ARHGAP11A: variants seen among roughly 807,000 people sequenced by gnomAD.
ARHGAP11A encodes the protein Rho GTPase activating protein 11A.
In ARHGAP11A, 36 loss-of-function variants were observed where a neutral mutation model predicts 60.5. The observed-to-expected ratio is 0.59, with a 90% CI of 0.46 to 0.79. The LOEUF (loss-of-function observed/expected upper bound fraction) is 0.79, where lower values mean the gene tolerates loss of function less well. Among genes scored for constraint, ARHGAP11A ranks in the 30% least tolerant of loss-of-function variants. The pLI, the probability that ARHGAP11A is intolerant of heterozygous loss-of-function variation, is 0.00. For missense variants in ARHGAP11A, 1,071 were observed against 1,199.2 expected (o/e 0.89, Z 1.58); for synonymous variants, 362 against 415.5 (o/e 0.87, Z 1.57).
chr15:32,637,056 C>T lies in ARHGAP11A; in HGVS notation c.2283C>T (p.Ser761=). The change falls in exon 12 of 12, where the codon TCC becomes TCT. Residue 761 remains serine (S), a synonymous_variant. Coordinates refer to ENST00000361627, the MANE Select transcript of ARHGAP11A (RefSeq NM_014783.6). ...CACATAGCAAGGACGAGGCTAGATC[C>T]TCTTTCTCACAGCAGAGTACATGTG... is the stretch of plus-strand genomic sequence containing the variant. ...CAAHSKDEAR[S]SFSQQSTCVV... 6.2e-7 allele frequency: 1 copy of T among 1,613,916 alleles called. No individual in the cohort carries two copies. The highest frequency in any genetic ancestry group is 1.1e-5 in the South Asian group (1 of 91,072).
At chr15:32,627,522 G>A (rs2053490503) in intron 6 of ARHGAP11A, among the ~76,000 whole-genome samples, 1 of 151,996 alleles carries the variant, frequency 6.6e-6, no homozygotes, top group Non-Finnish European at 1.5e-5. Flanking sequence ...GAGGTCAGGA[G>A]ATCGAGACCA....
At chr15:32,622,370 A>G (rs924314506) in intron 2 of ARHGAP11A, among the ~76,000 whole-genome samples, 3 of 152,244 alleles carry the variant, frequency 2.0e-5, no homozygotes, top group Non-Finnish European at 4.4e-5. Flanking sequence ...GTGAGCAGTG[A>G]TCGCACCACT....
At chr15:32,631,992 G>A (rs1002902070) in intron 8 of ARHGAP11A, among the ~76,000 whole-genome samples, 2 of 152,100 alleles carry the variant, frequency 1.3e-5, no homozygotes, top group Non-Finnish European at 2.9e-5. Context: ...TTTTTAAAGT[G>A]ACTAGACTGC....
chr15:32,637,463 A>G lies in ARHGAP11A; in HGVS notation c.2690A>G (p.Lys897Arg). 10 of 1,614,100 alleles carry G rather than the reference A, an allele frequency of 6.2e-6. No homozygotes were observed. Among genetic ancestry groups the G allele is most frequent in the Non-Finnish European group, 8.5e-6 (10 of 1,180,044 alleles). ...AAAGATTCCTCTGTTTCATGTATCAAATCAGGTCCTAAAGAACAGAAGTCC... is the reference window on the plus strand; with the variant it reads ...AAAGATTCCTCTGTTTCATGTATCAGATCAGGTCCTAAAGAACAGAAGTCC... ...ASKDSSVSCI[K>R]SGPKEQKSMS... Residue 897 changes from lysine (K) to arginine (R), a missense_variant, in exon 12 of 12, where the codon AAA becomes AGA. This residue lies in a region of ARHGAP11A where 776 missense variants were observed against 760.2 expected (regional missense o/e 1.02). Coordinates refer to ENST00000361627, the MANE Select transcript of ARHGAP11A (RefSeq NM_014783.6).
At position 32,637,999 on chromosome 15, in the gene ARHGAP11A, C is replaced by T. The variant is rs2053765561; in HGVS notation, c.*154C>T. Reference sequence around the variant, plus strand: ...TTCATTTTTTTCACTGTACAAGCAACTTAGATTTTTATTTGTACAAATTAC... The same window carrying T: ...TTCATTTTTTTCACTGTACAAGCAATTTAGATTTTTATTTGTACAAATTAC... On this transcript the variant is annotated 3_prime_UTR_variant, in exon 12 of 12. Coordinates refer to ENST00000361627, the MANE Select transcript of ARHGAP11A (RefSeq NM_014783.6). 4.5e-6 allele frequency: 3 copies of T among 661,148 alleles called. No individual in the cohort carries two copies. Among genetic ancestry groups the T allele is most frequent in the Non-Finnish European group, 7.3e-6 (3 of 413,644 alleles). 41.0% of individuals were successfully genotyped at this position (661,148 alleles called of 1,614,324 possible). A position where few individuals can be genotyped will look rare whatever the true frequency, so the allele number is the denominator to read the frequency against.
chr15:32,629,685 G>A lies in ARHGAP11A; in HGVS notation c.1028G>A (p.Arg343Lys). The change falls in exon 8 of 12, where the codon AGG becomes AAG. Residue 343 changes from arginine (R) to lysine (K), a missense_variant. By Grantham distance (26) the Arg-to-Lys change is conservative. Transcript: ENST00000361627. ...DSSHGFSSKK[R>K]KSIKHNFNFE... Reference sequence around the variant, plus strand: ...TCTCATGGTTTCTCAAGTAAGAAAAGGAAGTCCATCAAGCACAATTTTAAC... The same window carrying A: ...TCTCATGGTTTCTCAAGTAAGAAAAAGAAGTCCATCAAGCACAATTTTAAC... 3.1e-6 allele frequency: 5 copies of A among 1,613,574 alleles called. No homozygotes were observed. Among genetic ancestry groups the A allele is most frequent in the Non-Finnish European group, 3.4e-6 (4 of 1,179,740 alleles).
chr15:32,631,441 G>T (rs2053581539), intron 8 of ARHGAP11A, among the ~76,000 whole-genome samples: 1 of 151,754 alleles, frequency 6.6e-6, no homozygotes, highest in Non-Finnish European at 1.5e-5. Flanking sequence ...GATTATAGGT[G>T]GCCACCACCA....
Position 32,624,366 on chromosome 15 carries a change from C to G in ARHGAP11A, c.491C>G (p.Ala164Gly). The change falls in exon 4 of 12, where the codon GCT (alanine) becomes GGT (glycine). Residue 164 changes from alanine to glycine, a missense_variant. Physicochemically the swap from Ala to Gly is moderately conservative, Grantham distance 60. Coordinates refer to ENST00000361627, the MANE Select transcript of ARHGAP11A (RefSeq NM_014783.6). ...ACACTGTTGCTCTCCTGTCTTCTGG[C>G]TGACCACACAGTTCATGTATTAAGA... Reference protein sequence around the residue: ...KATLLLSCLLADHTVHVLRYF... With the variant: ...KATLLLSCLLGDHTVHVLRYF... 1 of 1,613,926 alleles carries G rather than the reference C, an allele frequency of 6.2e-7. No homozygotes were observed. Among genetic ancestry groups the G allele is most frequent in the Non-Finnish European group, 8.5e-7 (1 of 1,179,862 alleles).
In ARHGAP11A at chr15:32,625,135, C is replaced by T. The variant is rs201108875; in HGVS notation, c.607C>T (p.Leu203Phe). 1 of 1,613,912 alleles carries T rather than the reference C, an allele frequency of 6.2e-7. No homozygotes were observed. Among genetic ancestry groups the T allele is most frequent in the African/African-American group, 1.3e-5 (1 of 75,036 alleles). Residue 203 changes from leucine to phenylalanine, a missense_variant, in exon 5 of 12, where the codon CTT becomes TTT. Transcript: ENST00000361627. Reference protein sequence around the residue: ...SNLAVIFAPNLLQTSEGHEKM... With the variant: ...SNLAVIFAPNFLQTSEGHEKM... ...TCTTGCAGTAATATTTGCACCGAAT[C>T]TTCTTCAGACAAGTGAAGGACATGA...
intron 1 of ARHGAP11A, among the ~76,000 whole-genome samples, chr15:32,618,731 C>G (rs200493875): frequency 4.0e-5 from 6 of 150,744 alleles, no homozygotes; most frequent in African/African-American, 1.5e-4. Context: ...GTCAGGAGAT[C>G]GAGACCATCC....
At chr15:32,618,018 T>C (rs1378543164) in intron 1 of ARHGAP11A, among the ~76,000 whole-genome samples, 8 of 152,210 alleles carry the variant, frequency 5.3e-5, no homozygotes, top group Admixed American at 2.0e-4. Flanking sequence ...CATCTAATGA[T>C]AGTTGTCATA....
chr15:32,624,085 A>G lies in ARHGAP11A; in HGVS notation c.298-88A>G, dbSNP rs1047952483. ...GAGTTAAGAGAAATTTATTAAAGAA[A>G]AGTGTAATTAGAGTATAACAAAAGA... On this transcript the variant is annotated intron_variant, in intron 3 of 11. Coordinates refer to ENST00000361627, the MANE Select transcript of ARHGAP11A (RefSeq NM_014783.6). The G allele has an allele frequency of 1.3e-5, 19 of 1,519,802 alleles. No homozygotes were observed. The Admixed American group carries it at 3.9e-4, about 31-fold the overall frequency. 94.1% of individuals were successfully genotyped at this position (1,519,802 alleles called of 1,614,324 possible). A position where few individuals can be genotyped will look rare whatever the true frequency, so the allele number is the denominator to read the frequency against.
At position 32,637,865 on chromosome 15, in the gene ARHGAP11A, T is replaced by G. The variant is rs1286271221; in HGVS notation, c.*20T>G. The stretch of plus-strand genomic sequence containing the variant: ...TTGTAATTGGTAAATGTTATACTTG[T>G]CATTAATGTAAATAAAGTGAGTAAT... On this transcript the variant is annotated 3_prime_UTR_variant, in exon 12 of 12. Transcript: ENST00000361627. 1.9e-6 allele frequency: 3 copies of G among 1,538,920 alleles called. No individual in the cohort carries two copies. The highest frequency in any genetic ancestry group is 1.8e-6 in the Non-Finnish European group (2 of 1,141,984).
Position 32,636,760 on chromosome 15 carries a change from G to A in ARHGAP11A, c.1987G>A (p.Gly663Ser). The A allele has an allele frequency of 6.2e-7, 1 of 1,612,266 alleles. No homozygotes were observed. Among genetic ancestry groups the A allele is most frequent in the Non-Finnish European group, 8.5e-7 (1 of 1,179,656 alleles). ...AAAGGAGAAATATGAACACCACACTGGTAAAGGTGAAAAATGTTTTTCAGA... is the reference window on the plus strand; with the variant it reads ...AAAGGAGAAATATGAACACCACACTAGTAAAGGTGAAAAATGTTTTTCAGA... ...ESKEKYEHHT[G>S]KGEKCFSERD... Residue 663 changes from glycine to serine, a missense_variant, in exon 12 of 12, where the codon GGT becomes AGT. Physicochemically the swap from Gly to Ser is moderately conservative, Grantham distance 56 (BLOSUM62 0). Transcript: ENST00000361627.
Position 32,630,880 on chromosome 15 carries a change from G to T in ARHGAP11A, c.1105+1118G>T, listed in dbSNP as rs543183972. Among the ~76,000 whole-genome samples, 340 of 147,890 alleles carry T rather than the reference G, an allele frequency of 2.3e-3. 2 individuals are homozygous for T. Among genetic ancestry groups the T allele is most frequent in the African/African-American group, 8.0e-3 (324 of 40,298 alleles). ...ACATAGTTCAGTTGTTTTTTTTTTT[G>T]AATATATCCTTTGCAGTTTGGAGGA... On this transcript the variant is annotated intron_variant, in intron 8 of 11. Transcript: ENST00000361627.
chr15:32,634,995 A>G (rs769485840), intron 10 of ARHGAP11A, among the ~76,000 whole-genome samples: 26 of 152,076 alleles, frequency 1.7e-4, no homozygotes, highest in Non-Finnish European at 3.5e-4. Flanking sequence ...CTGTAGTTGA[A>G]ATTTATCTTT....
chr15:32,624,570 A>G (rs2053414280), intron 4 of ARHGAP11A, 144 bp downstream of exon 4: 1 of 1,425,908 alleles, frequency 7.0e-7, no homozygotes, highest in East Asian at 2.4e-5. Flanking sequence ...GTATACTCCA[A>G]TTTAAGAAAC....
At position 32,638,077 on chromosome 15, in the gene ARHGAP11A, C is replaced by T; in HGVS notation, c.*232C>T. The T allele has an allele frequency of 2.0e-6, 1 of 501,490 alleles. No individual in the cohort carries two copies. The highest frequency in any genetic ancestry group is 3.0e-5 in the South Asian group (1 of 33,158). The allele number at this position is 501,490 out of a possible 1,614,324, so 31.1% of individuals were successfully genotyped here. A position where few individuals can be genotyped will look rare whatever the true frequency, so the allele number is the denominator to read the frequency against. On this transcript the variant is annotated 3_prime_UTR_variant, in exon 12 of 12. Transcript: ENST00000361627. ...TTTTAAACTTTAATTTTATTGTGATCTCTTAAAGCAGAGGTTAGACTTTAC... is the reference window on the plus strand; with the variant it reads ...TTTTAAACTTTAATTTTATTGTGATTTCTTAAAGCAGAGGTTAGACTTTAC...
rs2053429282 is a variant in ARHGAP11A at position 32,625,191 on chromosome 15, A to G, written c.663A>G (p.Leu221=). The change falls in exon 5 of 12, where the codon CTA becomes CTG. Residue 221 remains leucine, a synonymous_variant. Transcript: ENST00000361627. ...EKMSSNTEKK[L]RLQAAVVQTL... The stretch of plus-strand genomic sequence containing the variant: ...TGTCTTCTAACACAGAAAAGAAGCT[A>G]CGATTACAGGCTGCAGTAGTACAGA... 1 of 1,613,918 alleles carries G rather than the reference A, an allele frequency of 6.2e-7. No homozygotes were observed. The highest frequency in any genetic ancestry group is 8.5e-7 in the Non-Finnish European group (1 of 1,179,824).
Sources: gnomAD v4.1 joint callset for allele counts (sites outside exome capture counted in the v4.1 genomes callset) on GRCh38, gnomAD v4.1.1 for gene constraint, gnomAD v4.1.1 regional missense constraint, MANE v1.5 for transcripts, NCBI Gene and HGNC (gene_info 2026-07-23, HGNC 2026-07-21) for gene names.